BRMS1L: variants seen among roughly 807,000 people sequenced by gnomAD.
BRMS1L encodes the protein BRMS1 like transcriptional repressor, also known as breast cancer metastasis-suppressor 1-like protein.
In BRMS1L, 23 loss-of-function variants were observed where a neutral mutation model predicts 50.3. That is an observed-to-expected ratio of 0.46 (90% confidence interval 0.33 to 0.65). The LOEUF (loss-of-function observed/expected upper bound fraction) is 0.65. Ranked by LOEUF, BRMS1L falls within the 30% of genes least tolerant of loss-of-function variation. The pLI, the probability that BRMS1L is intolerant of heterozygous loss-of-function variation, is 0.02. For missense variants in BRMS1L, 286 were observed against 386.1 expected (o/e 0.74, Z 2.17); for synonymous variants, 114 against 126.9 (o/e 0.90, Z 0.69).
intron 3 of BRMS1L, 76 bp downstream of exon 3, chr14:35,833,181 G>A (rs2077947470): frequency 7.1e-7 from 1 of 1,418,306 alleles, no homozygotes; most frequent in Non-Finnish European, 9.6e-7. Flanking sequence ...TATCAAGTAA[G>A]TGTTTTATGT....
At chr14:35,849,378 C>T (rs2078179131) in intron 4 of BRMS1L, among the ~76,000 whole-genome samples, 2 of 152,310 alleles carry the variant, frequency 1.3e-5, no homozygotes, top group South Asian at 4.1e-4. Context: ...GCCTCAAACT[C>T]CCAGGCTCAA....
intron 5 of BRMS1L, among the ~76,000 whole-genome samples, chr14:35,863,566 G>A (rs1471030605): frequency 6.6e-6 from 1 of 152,174 alleles, no homozygotes; most frequent in East Asian, 1.9e-4. Context: ...ACCTACCTCA[G>A]TGGTAGCTTT....
chr14:35,833,234 C>T, intron 3 of BRMS1L, 129 bp downstream of exon 3: 10 of 949,282 alleles, frequency 1.1e-5, no homozygotes, highest in Non-Finnish European at 1.5e-5. Flanking sequence ...GAATATTTTA[C>T]TTTTAGTTAG....
At position 35,851,634 on chromosome 14, in the gene BRMS1L, A is replaced by G. The variant is rs1421090431; in HGVS notation, c.442-10956A>G. 5.3e-5 allele frequency among the ~76,000 whole-genome samples: 8 copies of G among 152,218 alleles called. 1 individual carries two copies. The highest frequency in any genetic ancestry group is 1.2e-4 in the Non-Finnish European group (8 of 68,044). Reference sequence around the variant, plus strand: ...CATACAAGTGTTTTTCATAGAAAATATAATAAATTGAGAGAAATAAGTGTT... The same window carrying G: ...CATACAAGTGTTTTTCATAGAAAATGTAATAAATTGAGAGAAATAAGTGTT... On this transcript the variant is annotated intron_variant, in intron 4 of 9. Coordinates refer to ENST00000216807, the MANE Select transcript of BRMS1L (RefSeq NM_032352.4).
chr14:35,833,554 A>G (rs2077953507), intron 3 of BRMS1L, among the ~76,000 whole-genome samples: 1 of 152,122 alleles, frequency 6.6e-6, no homozygotes, highest in Admixed American at 6.5e-5. Context: ...CTTGCCTTGA[A>G]CTAGATGATT....
chr14:35,839,929 G>A (rs2078041412), intron 4 of BRMS1L, among the ~76,000 whole-genome samples: 1 of 152,158 alleles, frequency 6.6e-6, no homozygotes, highest in Admixed American at 6.5e-5. Context: ...GGTGAGAGAG[G>A]ACATCCTTGT....
intron 4 of BRMS1L, among the ~76,000 whole-genome samples, chr14:35,846,109 G>A (rs1161304824): frequency 6.6e-6 from 1 of 152,114 alleles, no homozygotes; most frequent in Non-Finnish European, 1.5e-5. Flanking sequence ...GAAATGCGTT[G>A]GGTGCAGTGG....
Position 35,867,978 on chromosome 14 carries a change from G to A in BRMS1L, c.800G>A (p.Trp267Ter). The change falls in exon 9 of 10, where the codon TGG becomes TAG. Residue 267 changes from tryptophan (W) to a stop codon, truncating the protein, a stop_gained. Coordinates refer to ENST00000216807, the MANE Select transcript of BRMS1L (RefSeq NM_032352.4). LOFTEE classifies it high-confidence loss of function. Reference protein sequence around the residue: ...EEGRLYYDGEWYIRGQTICID... With the variant: ...EEGRLYYDGE The stretch of plus-strand genomic sequence containing the variant: ...GGAAGACTATATTATGATGGTGAAT[G>A]GTATATACGTGGACAAACAATATGT... 1 of 1,611,494 alleles carries A rather than the reference G, an allele frequency of 6.2e-7. No individual in the cohort carries two copies. Among genetic ancestry groups the A allele is most frequent in the Non-Finnish European group, 8.5e-7 (1 of 1,179,054 alleles).
At chr14:35,843,774 A>G (rs766476285) in intron 4 of BRMS1L, among the ~76,000 whole-genome samples, 9 of 152,244 alleles carry the variant, frequency 5.9e-5, no homozygotes, top group Admixed American at 1.3e-4. Context: ...TGTTTGCTGA[A>G]GCTGCGCCCA....
intron 4 of BRMS1L, among the ~76,000 whole-genome samples, chr14:35,836,533 G>A (rs542608378): frequency 4.6e-5 from 7 of 152,142 alleles, no homozygotes; most frequent in Non-Finnish European, 7.4e-5. Flanking sequence ...GTAGAGAAGC[G>A]GTTCCACTAT....
chr14:35,863,075 C>T (rs1442803706), intron 5 of BRMS1L, among the ~76,000 whole-genome samples: 2 of 151,742 alleles, frequency 1.3e-5, no homozygotes, highest in African/African-American at 2.4e-5. Flanking sequence ...GGCGCCACTG[C>T]ACTCCAGACT....
intron 4 of BRMS1L, among the ~76,000 whole-genome samples, chr14:35,853,821 T>A (rs1424025326): frequency 6.6e-6 from 1 of 152,232 alleles, no homozygotes; most frequent in Non-Finnish European, 1.5e-5. Flanking sequence ...GAGGGGCTAA[T>A]TTATCAAGTT....
chr14:35,858,757 G>T (rs1460464708), intron 4 of BRMS1L: 1 of 152,110 alleles, frequency 6.6e-6, no homozygotes, highest in East Asian at 1.9e-4. Flanking sequence ...GGTTCTTGGT[G>T]AGAAGCCTTA....
chr14:35,839,568 C>G (rs961045728), intron 4 of BRMS1L, among the ~76,000 whole-genome samples: 3 of 152,128 alleles, frequency 2.0e-5, no homozygotes, highest in African/African-American at 4.8e-5. Flanking sequence ...TTGTAGTTCT[C>G]CTTTAAGAGG....
At chr14:35,835,273 G>T (rs180832310) in intron 4 of BRMS1L, among the ~76,000 whole-genome samples, 5 of 152,322 alleles carry the variant, frequency 3.3e-5, no homozygotes, top group South Asian at 2.1e-4. Flanking sequence ...CAGTTAGGAT[G>T]TTGGGCTATA....
At chr14:35,833,618 A>G (rs1235314449) in intron 3 of BRMS1L, among the ~76,000 whole-genome samples, 2 of 152,296 alleles carry the variant, frequency 1.3e-5, no homozygotes, top group Admixed American at 1.3e-4. Flanking sequence ...GGCTACAAAT[A>G]AACAAAGATG....
intron 1 of BRMS1L, among the ~76,000 whole-genome samples, chr14:35,828,118 T>G (rs1158852803): frequency 2.6e-5 from 4 of 151,486 alleles, no homozygotes; most frequent in Non-Finnish European, 5.9e-5. Flanking sequence ...AATAGAAAAG[T>G]GAAAGATTTG....
At chr14:35,837,939 A>G (rs200980421) in intron 4 of BRMS1L, among the ~76,000 whole-genome samples, 1 of 152,318 alleles carries the variant, frequency 6.6e-6, no homozygotes, top group South Asian at 2.1e-4. Flanking sequence ...TTTGTTACAT[A>G]GGTATACATG....
intron 6 of BRMS1L, among the ~76,000 whole-genome samples, chr14:35,864,241 T>G (rs2078391404): frequency 1.3e-5 from 2 of 152,280 alleles, no homozygotes; most frequent in East Asian, 1.9e-4. Flanking sequence ...GTATACAGTA[T>G]GATTGTTTAA....
Sources: gnomAD v4.1 joint callset for allele counts (sites outside exome capture counted in the v4.1 genomes callset) on GRCh38, gnomAD v4.1.1 for gene constraint, MANE v1.5 for transcripts, NCBI Gene and HGNC (gene_info 2026-07-23, HGNC 2026-07-21) for gene names.